Variants in MYO16 observed in about 807,000 individuals in gnomAD.
MYO16 encodes myosin XVI.
MYO16 carries 94 observed loss-of-function variants against 205.3 expected under a neutral mutation model. The ratio of observed to expected loss-of-function variants is 0.46; its 90% CI spans 0.39 to 0.54. The LOEUF is 0.54. MYO16 is among the 20% of genes least tolerant of loss of function. The pLI is 0.00. For synonymous variants in MYO16, 988 were observed against 954.0 expected (o/e 1.04, Z -0.66); for missense variants, 2,315 against 2,387.5 (o/e 0.97, Z 0.63).
At chr13:108,908,421 G>A (rs769487563) in intron 15 of MYO16, among the ~76,000 whole-genome samples, 4 of 152,178 alleles carry the variant, frequency 2.6e-5, no homozygotes, top group Non-Finnish European at 4.4e-5. Context: ...GTAAATAGTG[G>A]TTCTAGTTGT....
At chr13:108,545,787 G>A in the MYO16 span, among the ~76,000 whole-genome samples, 3 of 152,196 alleles carry the variant, frequency 2.0e-5, no homozygotes, top group East Asian at 5.8e-4. Context: ...CCTTTAGGGA[G>A]TATTTGGTAG....
chr13:108,616,808 T>C (rs890622695), intron 1 of MYO16, among the ~76,000 whole-genome samples: 6 of 152,182 alleles, frequency 3.9e-5, no homozygotes, highest in African/African-American at 1.4e-4. Context: ...TCCCTACGTC[T>C]TAATTGAATA....
In MYO16 at chr13:108,962,438, CAA is replaced by C; in HGVS notation, c.2171_2172del (p.Gln724ArgfsTer5). 6.3e-7 allele frequency: 1 copy of C among 1,599,806 alleles called. No individual in the cohort carries two copies. The highest frequency in any genetic ancestry group is 2.3e-5 in the East Asian group (1 of 44,304). On this transcript the variant is annotated frameshift_variant, in exon 19 of 35. Transcript: ENST00000457511. LOFTEE classifies it high-confidence loss of function. ...TTTAATTTTAGTGGCTGGAATGTTA[CAA>C]GTATCAACAGATGAATTGGCATCTG... ...QLLEQVAGML[Q>X]VSTDELASAL...
At chr13:108,800,602 C>T (rs914249526) in intron 6 of MYO16, among the ~76,000 whole-genome samples, 1 of 152,040 alleles carries the variant, frequency 6.6e-6, no homozygotes, top group African/African-American at 2.4e-5. Context: ...TAGTAAAAAT[C>T]CTGTGTTAGT....
intron 15 of MYO16, among the ~76,000 whole-genome samples, chr13:108,908,440 A>G (rs1227330764): frequency 6.6e-6 from 1 of 152,214 alleles, no homozygotes; most frequent in Non-Finnish European, 1.5e-5. Flanking sequence ...GTTAGAACAG[A>G]TTTGCTGTAG....
rs61466065 is a variant in MYO16, at chr13:109,072,716, A to C, written c.3335+17121A>C. 3.6e-3 allele frequency among the ~76,000 whole-genome samples: 551 copies of C among 152,244 alleles called. 4 individuals are homozygous for C. The highest frequency in any genetic ancestry group is 0.012 in the African/African-American group (498 of 41,554). On this transcript the variant is annotated intron_variant, in intron 27 of 34. Coordinates refer to ENST00000457511, the MANE Select transcript of MYO16 (RefSeq NM_001198950.3). ...GGGCATTTTGCAACATGGATGGCGG[A>C]GTTGGGCCTGTGCAGTAGGTAAGGT...
chr13:109,164,961 C>A lies in MYO16; in HGVS notation c.5225C>A (p.Ser1742Tyr). 1.2e-6 allele frequency: 2 copies of A among 1,608,560 alleles called. No homozygotes were observed. The highest frequency in any genetic ancestry group is 1.7e-6 in the Non-Finnish European group (2 of 1,176,742). ...GACCCTAGTACGTCAGAAATTACTT[C>A]CGAGACTCAAGACAGAAATGCAAAT... ...RDDPSTSEITSETQDRNANNH... is the reference protein window; with the variant it reads ...RDDPSTSEITYETQDRNANNH... Residue 1742 changes from serine (S) to tyrosine (Y), a missense_variant, in exon 33 of 35, where the codon TCC becomes TAC. Physicochemically the swap from Ser to Tyr is moderately radical, Grantham distance 144 (BLOSUM62 -2). Coordinates refer to ENST00000457511, the MANE Select transcript of MYO16 (RefSeq NM_001198950.3).
At position 108,666,074 on chromosome 13, in the gene MYO16, G is replaced by A; in HGVS notation, c.217G>A (p.Ala73Thr). 1 of 1,614,114 alleles carries A rather than the reference G, an allele frequency of 6.2e-7. No homozygotes were observed. The change falls in exon 2 of 35, where the codon GCG (alanine) becomes ACG (threonine). Residue 73 changes from alanine (A) to threonine (T), a missense_variant. Physicochemically the swap from Ala to Thr is moderately conservative, Grantham distance 58. Around this residue, in one of 3 missense-constraint regions of MYO16, gnomAD observed 1,213 missense variants for 1,274.4 expected, o/e 0.95. Transcript: ENST00000457511. ...AGGGTTCCTGAAAAGGCTGAAGCAT[G>A]CGAAGAATCCGAAAGTTCACTTCAA... ...QEGFLKRLKH[A>T]KNPKVHFNLT...
intron 25 of MYO16, among the ~76,000 whole-genome samples, chr13:109,053,060 A>C (rs1202808109): frequency 6.6e-6 from 1 of 152,138 alleles, no homozygotes; most frequent in Non-Finnish European, 1.5e-5. Context: ...AGTTGTTTCA[A>C]ACTGATAGGA....
chr13:108,971,338 G>T (rs117163311), intron 20 of MYO16, among the ~76,000 whole-genome samples: 10,690 of 101,880 alleles, frequency 0.1, 515 homozygotes, highest in Admixed American at 0.19. Context: ...AAAATGGTGT[G>T]TGTGTGTTGA....
At chr13:109,008,865 G>GGTACAGTACA in intron 21 of MYO16, 32 bp from the exon 22 acceptor site, 2 of 1,599,758 alleles carry the variant, frequency 1.3e-6, no homozygotes, top group Non-Finnish European at 8.5e-7. Flanking sequence ...TGTACTATCT[G>GGTACAGTACA]GTGAAATGTT....
chr13:108,533,007 A>T, the MYO16 span, among the ~76,000 whole-genome samples: 7 of 152,118 alleles, frequency 4.6e-5, no homozygotes, highest in Non-Finnish European at 1.0e-4. Context: ...AGATGGAAGG[A>T]AGAAAAGGTA....
chr13:108,969,748 C>T (rs1883938936), intron 20 of MYO16, among the ~76,000 whole-genome samples: 1 of 152,168 alleles, frequency 6.6e-6, no homozygotes, highest in Non-Finnish European at 1.5e-5. Context: ...ACCTCTCTGC[C>T]CGACTACAGC....
At chr13:108,690,288 C>A (rs1882841761) in intron 2 of MYO16, among the ~76,000 whole-genome samples, 1 of 70,242 alleles carries the variant, frequency 1.4e-5, no homozygotes, top group African/African-American at 6.4e-5. Flanking sequence ...TTCCTTTGCA[C>A]AAAATTAAAA....
At chr13:108,768,174 C>G (rs188133069) in intron 4 of MYO16, among the ~76,000 whole-genome samples, 45 of 152,298 alleles carry the variant, frequency 3.0e-4, no homozygotes, top group Admixed American at 2.9e-3. Context: ...CTTTTCCTCT[C>G]TGTCCGTTTG....
At chr13:108,551,806 GT>G in the MYO16 span, among the ~76,000 whole-genome samples, 1 of 152,106 alleles carries the variant, frequency 6.6e-6, no homozygotes, top group Non-Finnish European at 1.5e-5. Context: ...AGTTCCTGTG[GT>G]TTTCTCATGG....
At chr13:109,032,235 A>G (rs956199285) in intron 23 of MYO16, among the ~76,000 whole-genome samples, 1 of 152,150 alleles carries the variant, frequency 6.6e-6, no homozygotes. Flanking sequence ...GGCAGGATTT[A>G]ACACAGCTCT....
chr13:109,199,077 T>G (rs1450685841), intron 34 of MYO16, among the ~76,000 whole-genome samples: 1 of 151,532 alleles, frequency 6.6e-6, no homozygotes, highest in African/African-American at 2.4e-5. Flanking sequence ...TTCTAACTGG[T>G]TAGGTGCCCA....
At position 108,822,889 on chromosome 13, in the gene MYO16, A is replaced by G. The variant is rs1489498068; in HGVS notation, c.944-236A>G. Among the ~76,000 whole-genome samples the G allele has an allele frequency of 5.9e-5, 9 of 152,178 alleles. No homozygotes were observed. In the East Asian group the frequency reaches 1.7e-3, roughly 29 times the overall value. On this transcript the variant is annotated intron_variant, in intron 8 of 34. Transcript: ENST00000457511. ...TATTTTACATATCACCATCCAGTCT[A>G]TACTATTTTCTATTTCATTTATAAT...
Sources: allele counts gnomAD v4.1 joint callset (sites outside exome capture counted in the v4.1 genomes callset), GRCh38; gene constraint gnomAD v4.1.1; regional missense constraint gnomAD v4.1.1; transcripts MANE v1.5; gene names NCBI Gene and HGNC (gene_info 2026-07-23, HGNC 2026-07-21).